The following ZNF385D variants were observed in gnomAD, a reference collection of about 807,000 sequenced individuals.
The protein encoded by ZNF385D is zinc finger protein 659.
In ZNF385D, 15 loss-of-function variants were observed where a neutral mutation model predicts 35.8. That is an observed-to-expected ratio of 0.42 (90% CI 0.28 to 0.64). The LOEUF (loss-of-function observed/expected upper bound fraction) is 0.64, where lower values mean the gene tolerates loss of function less well. Among genes scored for constraint, ZNF385D ranks in the 30% least tolerant of loss-of-function variants. ZNF385D has a pLI of 0.23. For missense variants in ZNF385D, 474 were observed against 494.6 expected, an observed-to-expected ratio of 0.96 and a Z score of 0.39; for synonymous variants, 212 against 186.8, an observed-to-expected ratio of 1.13 and a Z score of -1.10.
At chr3:22,198,964 C>T (rs1233690971) in intron 2 of ZNF385D, among the ~76,000 whole-genome samples, 2 of 152,112 alleles carry the variant, frequency 1.3e-5, no homozygotes, top group Non-Finnish European at 2.9e-5. Context: ...TCTGTCTTAA[C>T]ATCTGCAAAA....
In ZNF385D at chr3:22,318,063, GA is replaced by G. The variant is rs111562534; in HGVS notation, c.106+54386del. 6.6e-3 allele frequency among the ~76,000 whole-genome samples: 902 copies of G among 135,710 alleles called. 4 individuals carry two copies. Among genetic ancestry groups the G allele is most frequent in the African/African-American group, 0.011 (431 of 37,484 alleles). 89.0% of individuals were successfully genotyped at this position (135,710 alleles called of 152,430 possible). A position where few individuals can be genotyped will look rare whatever the true frequency, so the allele number is the denominator to read the frequency against. ...ACAGAGTGAGACTCGGTTTCAAAAA[GA>G]AAAAAAAAAAAATGTGAATTAGAGT... On this transcript the variant is annotated intron_variant, in intron 2 of 5. Transcript: ENST00000494108.
intron 5 of ZNF385D, among the ~76,000 whole-genome samples, chr3:21,435,973 A>G (rs1701530391): frequency 6.6e-6 from 1 of 152,212 alleles, no homozygotes; most frequent in African/African-American, 2.4e-5. Flanking sequence ...TGACTGGTCA[A>G]TGACTCAACA....
At chr3:22,318,507 T>C (rs1229582491) in intron 2 of ZNF385D, among the ~76,000 whole-genome samples, 1 of 152,090 alleles carries the variant, frequency 6.6e-6, no homozygotes, top group African/African-American at 2.4e-5. Flanking sequence ...AGGAGATAAA[T>C]TAAATTTGAG....
intron 3 of ZNF385D, among the ~76,000 whole-genome samples, chr3:21,866,279 C>T (rs1697355427): frequency 6.6e-6 from 1 of 151,868 alleles, no homozygotes; most frequent in Admixed American, 6.6e-5. Context: ...ATGGTGAAAC[C>T]CCGTCTCTTC....
chr3:21,610,498 C>T (rs747765833), intron 2 of ZNF385D, among the ~76,000 whole-genome samples: 72 of 152,128 alleles, frequency 4.7e-4, no homozygotes, highest in African/African-American at 1.9e-4. Context: ...TGGCCGGGCG[C>T]GGTGGCTCAC....
intron 3 of ZNF385D, among the ~76,000 whole-genome samples, chr3:21,895,983 C>T (rs753383759): frequency 8.6e-5 from 13 of 152,010 alleles, no homozygotes; most frequent in Non-Finnish European, 1.5e-4. Context: ...TTTGCGGTTT[C>T]GACAATGACA....
chr3:21,747,484 A>G (rs1388940335), intron 1 of ZNF385D, among the ~76,000 whole-genome samples: 1 of 152,146 alleles, frequency 6.6e-6, no homozygotes, highest in Non-Finnish European at 1.5e-5. Context: ...TTCTCTCCTG[A>G]TGGCAAAGGG....
chr3:21,898,519 C>T (rs968719304), intron 3 of ZNF385D, among the ~76,000 whole-genome samples: 5 of 152,058 alleles, frequency 3.3e-5, no homozygotes, highest in Non-Finnish European at 7.4e-5. Context: ...TTCTAGTCTG[C>T]TTCATTTCAG....
chr3:22,011,570 T>C (rs954699871), intron 3 of ZNF385D, among the ~76,000 whole-genome samples: 1 of 152,118 alleles, frequency 6.6e-6, no homozygotes, highest in African/African-American at 2.4e-5. Context: ...TTTTGATGCA[T>C]AAAATAAGGT....
At chr3:21,496,127 G>A (rs1313943663) in intron 4 of ZNF385D, among the ~76,000 whole-genome samples, 1 of 151,850 alleles carries the variant, frequency 6.6e-6, no homozygotes, top group Non-Finnish European at 1.5e-5. Flanking sequence ...GTATAAAGAT[G>A]AGCAGGTATT....
intron 3 of ZNF385D, among the ~76,000 whole-genome samples, chr3:21,534,752 A>T (rs2061998100): frequency 6.6e-6 from 1 of 152,118 alleles, no homozygotes; most frequent in South Asian, 2.1e-4. Context: ...GTTGCCAGTG[A>T]TGGATGGGTT....
chr3:22,293,797 T>C (rs182472275), intron 2 of ZNF385D, among the ~76,000 whole-genome samples: 146 of 152,238 alleles, frequency 9.6e-4, no homozygotes, highest in African/African-American at 3.2e-3. Context: ...AGGTTCTACT[T>C]GAAAACTACT....
At chr3:22,000,623 CAAAG>C (rs1208687415) in intron 3 of ZNF385D, among the ~76,000 whole-genome samples, 1 of 151,450 alleles carries the variant, frequency 6.6e-6, no homozygotes, top group Admixed American at 6.6e-5. Flanking sequence ...AAATCAAAGA[CAAAG>C]AGAGAATTCT....
At chr3:21,686,071 T>A (rs2067093591) in intron 1 of ZNF385D, among the ~76,000 whole-genome samples, 1 of 152,146 alleles carries the variant, frequency 6.6e-6, no homozygotes, top group African/African-American at 2.4e-5. Flanking sequence ...TAGGCTTTCA[T>A]GTGACCTATA....
intron 3 of ZNF385D, among the ~76,000 whole-genome samples, chr3:21,920,290 C>G (rs1210472105): frequency 2.0e-5 from 3 of 152,020 alleles, no homozygotes; most frequent in Non-Finnish European, 4.4e-5. Flanking sequence ...CTGACAGACG[C>G]AGTGCTTCAA....
In ZNF385D at chr3:21,809,603, C is replaced by T. The variant is rs532461094; in HGVS notation, c.326-144575G>A. Reference sequence around the variant, plus strand: ...CAATATACAATGATATATATATACACATATATATACATATATACATACACA... The same window carrying T: ...CAATATACAATGATATATATATACATATATATATACATATATACATACACA... On this transcript the variant is annotated intron_variant, in intron 3 of 5. Coordinates refer to the ZNF385D transcript ENST00000494108. Among the ~76,000 whole-genome samples, 134 of 150,356 alleles carry T rather than the reference C, an allele frequency of 8.9e-4. 1 individual carries two copies. Among genetic ancestry groups the T allele is most frequent in the African/African-American group, 3.0e-3 (125 of 41,122 alleles).
chr3:22,077,800 T>C (rs1700541257), intron 3 of ZNF385D, among the ~76,000 whole-genome samples: 1 of 151,942 alleles, frequency 6.6e-6, no homozygotes, highest in African/African-American at 2.4e-5. Flanking sequence ...AGAATGTCAG[T>C]CTAAAGCATC....
intron 3 of ZNF385D, among the ~76,000 whole-genome samples, chr3:22,011,228 A>C (rs1405393915): frequency 6.6e-6 from 1 of 152,156 alleles, no homozygotes; most frequent in Non-Finnish European, 1.5e-5. Context: ...AATGAGAGAA[A>C]TTTATGGAAA....
chr3:22,032,070 T>A (rs1698035670), intron 3 of ZNF385D, among the ~76,000 whole-genome samples: 1 of 152,218 alleles, frequency 6.6e-6, no homozygotes, highest in South Asian at 2.1e-4. Context: ...CCCAATAAGT[T>A]CCTCATCTCC....
Sources: gnomAD v4.1 joint callset for allele counts (sites outside exome capture counted in the v4.1 genomes callset) on GRCh38, gnomAD v4.1.1 for gene constraint, MANE v1.5 for transcripts, NCBI Gene and HGNC (gene_info 2026-07-23, HGNC 2026-07-21) for gene names.